Variants in CPEB1 observed in about 807,000 individuals in gnomAD.
CPEB1 encodes cytoplasmic polyadenylation element binding protein 1, also known as cytoplasmic polyadenylation element-binding protein 1.
Under a neutral mutation model 65.8 loss-of-function variants are expected in CPEB1, and 7 were observed. The ratio of observed to expected loss-of-function variants is 0.11; its 90% CI spans 0.06 to 0.20. The LOEUF (loss-of-function observed/expected upper bound fraction) is 0.20, where lower values mean the gene tolerates loss of function less well. Among genes scored for constraint, CPEB1 ranks in the 10% least tolerant of loss-of-function variants. CPEB1 has a pLI of 1.00. For synonymous variants in CPEB1, 262 were observed against 260.0 expected (o/e 1.01, Z -0.08); for missense variants, 551 against 712.2 (o/e 0.77, Z 2.58).
At chr15:82,571,185 A>T (rs1293253585) in intron 4 of CPEB1, among the ~76,000 whole-genome samples, 159 bp downstream of exon 4, 3 of 152,186 alleles carry the variant, frequency 2.0e-5, no homozygotes, top group South Asian at 2.1e-4. Context: ...TGCCACACTC[A>T]CAGCTTGCAT....
At chr15:82,624,416 C>A (rs2045577646) in intron 3 of CPEB1, among the ~76,000 whole-genome samples, 1 of 152,172 alleles carries the variant, frequency 6.6e-6, no homozygotes, top group Admixed American at 6.5e-5. Flanking sequence ...TTCTGTCCTG[C>A]AGCTGAGAAA....
intron 3 of CPEB1, among the ~76,000 whole-genome samples, chr15:82,626,701 C>A (rs913640821): frequency 6.6e-6 from 1 of 152,144 alleles, no homozygotes; most frequent in Non-Finnish European, 1.5e-5. Flanking sequence ...CTGTCCAGTG[C>A]AGTAGCCACT....
At chr15:82,605,034 A>G (rs1282700742) in intron 3 of CPEB1, among the ~76,000 whole-genome samples, 4 of 152,232 alleles carry the variant, frequency 2.6e-5, no homozygotes, top group Non-Finnish European at 4.4e-5. Context: ...GGGATTTTCA[A>G]TAACATTAAT....
chr15:82,628,844 T>C (rs932448913), intron 1 of CPEB1: 7 of 173,020 alleles, frequency 4.0e-5, no homozygotes, highest in Admixed American at 3.9e-4. Flanking sequence ...GATTTTCTAG[T>C]AACATTTTTT....
chr15:82,631,287 C>A (rs539159711), intron 1 of CPEB1, among the ~76,000 whole-genome samples: 2 of 152,280 alleles, frequency 1.3e-5, no homozygotes, highest in African/African-American at 4.8e-5. Context: ...TGCCTCCCTC[C>A]CCTTCTCTCA....
At chr15:82,551,837 T>C (rs1197536251) in intron 9 of CPEB1, among the ~76,000 whole-genome samples, 1 of 152,110 alleles carries the variant, frequency 6.6e-6, no homozygotes, top group South Asian at 2.1e-4. Context: ...CCCAGAGTGA[T>C]TCAGTAAGTC....
At chr15:82,579,797 A>G (rs2041058914) in intron 3 of CPEB1, among the ~76,000 whole-genome samples, 1 of 151,156 alleles carries the variant, frequency 6.6e-6, no homozygotes, top group South Asian at 2.1e-4. Flanking sequence ...CTGTAGTCCC[A>G]GCTACTCGGG....
intron 3 of CPEB1, among the ~76,000 whole-genome samples, chr15:82,603,945 A>G (rs1196341212): frequency 6.6e-6 from 1 of 152,262 alleles, no homozygotes; most frequent in Non-Finnish European, 1.5e-5. Context: ...CAAAGAAACA[A>G]GTATGGCCCA....
At chr15:82,568,567 G>A (rs569602245) in intron 4 of CPEB1, among the ~76,000 whole-genome samples, 5 of 152,184 alleles carry the variant, frequency 3.3e-5, no homozygotes, top group Admixed American at 3.3e-4. Context: ...TCTATCCCAG[G>A]GTCTTCTTGC....
chr15:82,592,979 A>G (rs150060278), intron 3 of CPEB1, among the ~76,000 whole-genome samples: 2,053 of 152,338 alleles, frequency 0.013, 44 homozygotes, highest in African/African-American at 0.047. Flanking sequence ...CCTGGACAAC[A>G]GAGCGATACT....
chr15:82,573,290 T>C (rs1242723658), intron 3 of CPEB1: 7 of 825,384 alleles, frequency 8.5e-6, no homozygotes, highest in African/African-American at 1.7e-5. Flanking sequence ...TTATTCCTCC[T>C]GGCTGTAGAT....
chr15:82,562,779 G>C (rs1252514685), intron 4 of CPEB1, among the ~76,000 whole-genome samples: 1 of 151,918 alleles, frequency 6.6e-6, no homozygotes, highest in African/African-American at 2.4e-5. Flanking sequence ...AGGCTGCAGT[G>C]GGCCATGATC....
At chr15:82,577,302 T>C (rs1300956331) in intron 3 of CPEB1, among the ~76,000 whole-genome samples, 1 of 152,082 alleles carries the variant, frequency 6.6e-6, no homozygotes, top group African/African-American at 2.4e-5. Context: ...CAAGGGATCC[T>C]CCCACCCCAG....
Position 82,549,590 on chromosome 15 carries a change from G to A in CPEB1, c.1350C>T (p.Pro450=), listed in dbSNP as rs766127528. The part of the protein sequence containing the change: ...FVRSPSQRLD[P]SRTVFVGALH... ...GAGCACCGACAAACACCGTCCTGCT[G>A]GGGTCAAGCCTCTGAGATGGGCTCC... The change falls in exon 10 of 13, where the codon CCC becomes CCT. Residue 450 remains proline (P), a synonymous_variant. Coordinates refer to ENST00000684509, the MANE Select transcript of CPEB1 (RefSeq NM_001365242.1). 4.3e-6 allele frequency: 7 copies of A among 1,614,180 alleles called. No individual in the cohort carries two copies. The highest frequency in any genetic ancestry group is 5.9e-6 in the Non-Finnish European group (7 of 1,180,036).
chr15:82,610,559 A>C (rs529354715), intron 3 of CPEB1, among the ~76,000 whole-genome samples: 2 of 152,250 alleles, frequency 1.3e-5, no homozygotes, highest in African/African-American at 4.8e-5. Context: ...AATAGAACAA[A>C]AGTAAAAAAA....
intron 1 of CPEB1, among the ~76,000 whole-genome samples, chr15:82,642,188 C>T (rs909922161): frequency 2.0e-5 from 3 of 152,128 alleles, no homozygotes; most frequent in South Asian, 2.1e-4. Flanking sequence ...GCTGCAACAA[C>T]GGCAGGAAAA....
At chr15:82,613,921 C>T (rs1374067019) in intron 3 of CPEB1, among the ~76,000 whole-genome samples, 2 of 152,068 alleles carry the variant, frequency 1.3e-5, no homozygotes, top group Non-Finnish European at 2.9e-5. Context: ...AGGGACTGGC[C>T]TCCTTGGGAG....
chr15:82,621,396 C>A (rs1016930666), intron 3 of CPEB1, among the ~76,000 whole-genome samples: 4 of 151,400 alleles, frequency 2.6e-5, no homozygotes, highest in African/African-American at 7.3e-5. Flanking sequence ...CCGAGGCAGG[C>A]GGATCACCTG....
chr15:82,574,122 AC>A, intron 3 of CPEB1, among the ~76,000 whole-genome samples: 1 of 152,112 alleles, frequency 6.6e-6, no homozygotes, highest in East Asian at 1.9e-4. Context: ...GTATAATTCT[AC>A]CCTCACCCCT....
Sources: allele counts gnomAD v4.1 joint callset (sites outside exome capture counted in the v4.1 genomes callset), GRCh38; gene constraint gnomAD v4.1.1; transcripts MANE v1.5; gene names NCBI Gene and HGNC (gene_info 2026-07-23, HGNC 2026-07-21).